DMTF1: variants seen among roughly 807,000 people sequenced by gnomAD.
The protein encoded by DMTF1 is cyclin-D-binding Myb-like transcription factor 1.
A neutral mutation model predicts 91.1 loss-of-function variants in DMTF1; 39 were observed. The ratio of observed to expected loss-of-function variants is 0.43; its 90% CI spans 0.33 to 0.56. DMTF1 has a LOEUF of 0.56. DMTF1 is among the 20% of genes least tolerant of loss of function. The pLI is 0.05. For synonymous variants in DMTF1, 338 were observed against 309.5 expected (o/e 1.09, Z -0.97); for missense variants, 750 against 914.5 (o/e 0.82, Z 2.32).
In DMTF1 at chr7:87,193,828, C is replaced by T; in HGVS notation, c.1754C>T (p.Ser585Phe). The T allele has an allele frequency of 6.2e-7, 1 of 1,613,320 alleles. No individual in the cohort carries two copies. The highest frequency in any genetic ancestry group is 8.5e-7 in the Non-Finnish European group (1 of 1,179,594). ...VATEDITSSI[S>F]QAELTVDSDI... ...ACAGAGGACATCACTTCTTCCATAT[C>T]CCAAGCAGAACTGACAGTCGATAGT... is the stretch of plus-strand genomic sequence containing the variant. The change falls in exon 16 of 18, where the codon TCC (serine) becomes TTC (phenylalanine). Residue 585 changes from serine (S) to phenylalanine (F), a missense_variant. By Grantham distance (155) the Ser-to-Phe change is radical (BLOSUM62 -2). Around this residue, in one of 3 missense-constraint regions of DMTF1, gnomAD observed 410 missense variants for 420.2 expected, o/e 0.98. Coordinates refer to ENST00000331242, the MANE Select transcript of DMTF1 (RefSeq NM_001142327.2).
intron 12 of DMTF1, chr7:87,186,244 C>T (rs1251738913): frequency 4.9e-6 from 2 of 404,696 alleles, no homozygotes; most frequent in Non-Finnish European, 8.9e-6. Context: ...AAAATCATGC[C>T]ACATAACGAT....
At chr7:87,165,716 T>C (rs1793672281) in intron 3 of DMTF1, among the ~76,000 whole-genome samples, 1 of 152,240 alleles carries the variant, frequency 6.6e-6, no homozygotes, top group Non-Finnish European at 1.5e-5. Flanking sequence ...AATCCTTACA[T>C]GTACTTCCTA....
At chr7:87,181,211 C>G in intron 8 of DMTF1, 98 bp from the exon 9 acceptor site, 1 of 625,480 alleles carries the variant, frequency 1.6e-6, no homozygotes, top group Non-Finnish European at 2.9e-6. Context: ...TGCTAAGTGA[C>G]TTAACATTCA....
In DMTF1 at chr7:87,184,336, G is replaced by A. The variant is rs1797977669; in HGVS notation, c.821-61G>A. 9.5e-6 allele frequency: 14 copies of A among 1,476,086 alleles called. 1 individual carries two copies. The South Asian group carries it at 1.7e-4, about 18-fold the overall frequency. 91.4% of individuals were successfully genotyped at this position (1,476,086 alleles called of 1,614,324 possible). A position where few individuals can be genotyped will look rare whatever the true frequency, so the allele number is the denominator to read the frequency against. ...TTCCTATCAGTCCTTGTAAATAGAGGGCTGAATCAGATTTGTAAAAGAAGT... is the reference window on the plus strand; with the variant it reads ...TTCCTATCAGTCCTTGTAAATAGAGAGCTGAATCAGATTTGTAAAAGAAGT... On this transcript the variant is annotated intron_variant, in intron 10 of 17. Transcript: ENST00000331242.
chr7:87,161,516 ATGACAGCATAAAAACAAAAAAGG>A (rs1317947794), intron 1 of DMTF1, among the ~76,000 whole-genome samples: 2 of 152,176 alleles, frequency 1.3e-5, no homozygotes, highest in Admixed American at 6.5e-5. Flanking sequence ...ACCACAAAAG[ATGACAGCATAAAAACAAAAAAGG>A]TGACTGTATC....
chr7:87,171,008 T>G lies in DMTF1; in HGVS notation c.246T>G (p.Asp82Glu), dbSNP rs114136038. The G allele has an allele frequency of 6.1e-4, 979 of 1,610,752 alleles. 10 individuals are homozygous for G. The African/African-American group carries it at 0.011, about 18-fold the overall frequency. ...SVVALPLSEN[D>E]QSFEVTMTAT... ...CTTTTCTTGAAGTTTCAGAAAATGA[T>G]CAGAGCTTTGAAGTGACCATGACTG... is the stretch of plus-strand genomic sequence containing the variant. Residue 82 changes from aspartate to glutamate, a missense_variant, in exon 5 of 18, where the codon GAT (aspartate) becomes GAG (glutamate). Asp to Glu is a conservative substitution (Grantham distance 45). Coordinates refer to ENST00000331242, the MANE Select transcript of DMTF1 (RefSeq NM_001142327.2).
intron 8 of DMTF1, 62 bp from the exon 9 acceptor site, chr7:87,181,247 T>C: frequency 1.3e-6 from 1 of 780,640 alleles, no homozygotes. Flanking sequence ...TTCTGATTTT[T>C]ATTGAGGTTT....
intron 7 of DMTF1, among the ~76,000 whole-genome samples, chr7:87,176,609 C>G (rs1278169628): frequency 6.6e-6 from 1 of 151,926 alleles, no homozygotes; most frequent in African/African-American, 2.4e-5. Context: ...GGCAGATAAC[C>G]AAGTATCTGC....
intron 13 of DMTF1, 107 bp downstream of exon 13, chr7:87,188,408 C>A (rs553104943): frequency 1.1e-5 from 13 of 1,160,814 alleles, no homozygotes; most frequent in Non-Finnish European, 1.5e-5. Flanking sequence ...TTACCCAAGT[C>A]GGTGAACTGA....
chr7:87,168,588 A>C (rs374057789), intron 4 of DMTF1, among the ~76,000 whole-genome samples: 1 of 152,090 alleles, frequency 6.6e-6, no homozygotes, highest in Non-Finnish European at 1.5e-5. Flanking sequence ...CATTATAATC[A>C]CTGTCTTGCA....
Position 87,188,340 on chromosome 7 carries a change from T to C in DMTF1, c.1411+39T>C, listed in dbSNP as rs1168222632. On this transcript the variant is annotated intron_variant, in intron 13 of 17. Transcript: ENST00000331242. Reference sequence around the variant, plus strand: ...CTTCAAGATTCCTTGCTGTTTGATCTATATGATTTGGTTAATGGCTCTGAT... The same window carrying C: ...CTTCAAGATTCCTTGCTGTTTGATCCATATGATTTGGTTAATGGCTCTGAT... 1.9e-6 allele frequency: 3 copies of C among 1,606,698 alleles called. No homozygotes were observed. In the Admixed American group the frequency reaches 5.0e-5, roughly 27 times the overall value.
intron 8 of DMTF1, 36 bp from the exon 9 acceptor site, chr7:87,181,273 T>TTAA: frequency 9.9e-7 from 1 of 1,009,162 alleles, no homozygotes; most frequent in Non-Finnish European, 1.5e-6. Context: ...ATTCATTGTT[T>TTAA]TAATTGATTT....
chr7:87,155,749 C>T (rs1179065928), intron 1 of DMTF1, among the ~76,000 whole-genome samples: 1 of 150,474 alleles, frequency 6.6e-6, no homozygotes, highest in African/African-American at 2.5e-5. Context: ...CCACCCCCGC[C>T]CCACCCAAGT....
chr7:87,168,380 C>A (rs182642747), intron 4 of DMTF1, among the ~76,000 whole-genome samples: 1 of 152,278 alleles, frequency 6.6e-6, no homozygotes, highest in Admixed American at 6.5e-5. Context: ...TTACCTATTA[C>A]TAGAGTCCAT....
chr7:87,180,523 T>C (rs1797106337), intron 8 of DMTF1, among the ~76,000 whole-genome samples: 1 of 152,238 alleles, frequency 6.6e-6, no homozygotes, highest in African/African-American at 2.4e-5. Flanking sequence ...ACTTGCCTAC[T>C]GTAATAAAGA....
intron 1 of DMTF1, among the ~76,000 whole-genome samples, chr7:87,160,719 TC>T (rs556001541): frequency 1.3e-5 from 2 of 152,158 alleles, no homozygotes; most frequent in Non-Finnish European, 2.9e-5. Context: ...CAGTTATCTT[TC>T]CCCCCAGCAG....
rs1325093309 is a variant in DMTF1, at chr7:87,194,002, T to G, written c.1928T>G (p.Leu643Arg). 6.2e-7 allele frequency: 1 copy of G among 1,613,284 alleles called. No individual in the cohort carries two copies. Among genetic ancestry groups the G allele is most frequent in the Non-Finnish European group, 8.5e-7 (1 of 1,179,584 alleles). ...SKFSDQNSTELMNSVMVRTEE... is the reference protein window; with the variant it reads ...SKFSDQNSTERMNSVMVRTEE... ...TTCAGTGACCAAAATAGCACAGAAC[T>G]GATGAATAGTGTTATGGTCAGAACA... The change falls in exon 16 of 18, where the codon CTG becomes CGG. Residue 643 changes from leucine to arginine, a missense_variant. Around this residue, in one of 3 missense-constraint regions of DMTF1, gnomAD observed 410 missense variants for 420.2 expected, o/e 0.98. Transcript: ENST00000331242.
intron 1 of DMTF1, among the ~76,000 whole-genome samples, chr7:87,153,215 C>G (rs1009711933): frequency 2.0e-5 from 3 of 151,986 alleles, no homozygotes; most frequent in African/African-American, 7.3e-5. Context: ...CTGGCCGAAC[C>G]GTCTCTCTCA....
intron 14 of DMTF1, among the ~76,000 whole-genome samples, chr7:87,191,289 A>C (rs1329860421): frequency 6.6e-6 from 1 of 152,166 alleles, no homozygotes; most frequent in Non-Finnish European, 1.5e-5. Context: ...ATAACCAAAA[A>C]GTTCATATTG....
Sources: gnomAD v4.1 joint callset for allele counts (sites outside exome capture counted in the v4.1 genomes callset) on GRCh38, gnomAD v4.1.1 for gene constraint, gnomAD v4.1.1 regional missense constraint, MANE v1.5 for transcripts, NCBI Gene and HGNC (gene_info 2026-07-23, HGNC 2026-07-21) for gene names.